DOCK4: variants seen among roughly 807,000 people sequenced by gnomAD.
DOCK4 encodes dedicator of cytokinesis 4, also known as dedicator of cytokinesis protein 4.
In DOCK4, 97 loss-of-function variants were observed where a neutral mutation model predicts 268.1. The ratio of observed to expected loss-of-function variants is 0.36; its 90% CI spans 0.31 to 0.43. The LOEUF is 0.43. DOCK4 is among the 20% of genes least tolerant of loss of function. The pLI is 1.00. For missense variants in DOCK4, 2,145 were observed against 2,455.7 expected (o/e 0.87, Z 2.67); for synonymous variants, 954 against 887.2 (o/e 1.08, Z -1.34).
chr7:111,945,869 T>C, intron 8 of DOCK4, 71 bp from the exon 9 acceptor site: 1 of 1,156,648 alleles, frequency 8.6e-7, no homozygotes, highest in Admixed American at 2.1e-5. Flanking sequence ...CTGTAACTAC[T>C]CTTCATCACA....
In DOCK4 at chr7:112,062,835, G is replaced by A. The variant is rs547035692; in HGVS notation, c.38-58704C>T. ...TGGTATTACAGGCGTGTGTCACCAC[G>A]CCTGGCTAATTTTTTGTATTTTTAG... On this transcript the variant is annotated intron_variant, in intron 1 of 52. Coordinates refer to ENST00000428084, the MANE Select transcript of DOCK4 (RefSeq NM_001363540.2). 3.3e-5 allele frequency among the ~76,000 whole-genome samples: 5 copies of A among 152,166 alleles called. No homozygotes were observed. In the South Asian group the frequency reaches 6.2e-4, roughly 19 times the overall value.
chr7:111,852,429 C>A (rs1218518626), intron 23 of DOCK4, among the ~76,000 whole-genome samples: 2 of 151,752 alleles, frequency 1.3e-5, no homozygotes, highest in Non-Finnish European at 2.9e-5. Flanking sequence ...TCATTGCAAG[C>A]CTTCTTTAAA....
At chr7:112,081,767 A>G (rs1178916696) in intron 1 of DOCK4, among the ~76,000 whole-genome samples, 2 of 152,162 alleles carry the variant, frequency 1.3e-5, no homozygotes, top group Non-Finnish European at 2.9e-5. Context: ...GTTCTCTTGA[A>G]GGGGTCAAAA....
chr7:112,056,265 A>C (rs368789438), intron 1 of DOCK4, among the ~76,000 whole-genome samples: 1 of 152,210 alleles, frequency 6.6e-6, no homozygotes, highest in Non-Finnish European at 1.5e-5. Context: ...CAACAAACTG[A>C]CAATGGTTGA....
chr7:112,173,759 AG>A (rs948789066), intron 1 of DOCK4, among the ~76,000 whole-genome samples: 15 of 152,304 alleles, frequency 9.8e-5, no homozygotes, highest in African/African-American at 3.6e-4. Flanking sequence ...AAAACCCCAC[AG>A]CCAAACATTT....
At chr7:111,870,323 C>CTTTTTTTTTTTTTTTTTTTT (rs796444724) in intron 20 of DOCK4, among the ~76,000 whole-genome samples, 5 of 131,334 alleles carry the variant, frequency 3.8e-5, no homozygotes, top group African/African-American at 8.6e-5. Flanking sequence ...TTTTTCTTTT[C>CTTTTTTTTTTTTTTTTTTTT]TTTTTTTTTT....
intron 1 of DOCK4, among the ~76,000 whole-genome samples, chr7:112,057,069 T>C (rs1003732359): frequency 1.3e-5 from 2 of 152,078 alleles, no homozygotes; most frequent in Non-Finnish European, 2.9e-5. Context: ...ATAACTTACT[T>C]GGAAACTTAA....
intron 1 of DOCK4, among the ~76,000 whole-genome samples, chr7:112,093,689 A>G (rs1389895070): frequency 1.3e-5 from 2 of 152,202 alleles, no homozygotes; most frequent in African/African-American, 4.8e-5. Context: ...TCACCTCGAA[A>G]ACTACTGCAA....
intron 30 of DOCK4, among the ~76,000 whole-genome samples, chr7:111,795,342 C>A (rs1396220486): frequency 6.6e-6 from 1 of 152,094 alleles, no homozygotes; most frequent in African/African-American, 2.4e-5. Flanking sequence ...ATCCCTGGCC[C>A]CAGGGACCGG....
intron 36 of DOCK4, among the ~76,000 whole-genome samples, chr7:111,771,395 G>A (rs1439617729): frequency 1.3e-5 from 2 of 152,202 alleles, no homozygotes; most frequent in Non-Finnish European, 2.9e-5. Flanking sequence ...AAAGCTGCCC[G>A]ACGGGGACAG....
chr7:111,750,943 A>G (rs1053193854), intron 42 of DOCK4, among the ~76,000 whole-genome samples: 2 of 152,248 alleles, frequency 1.3e-5, no homozygotes, highest in Non-Finnish European at 2.9e-5. Context: ...ATACAGCATT[A>G]TCTTTCCTGT....
At chr7:111,791,026 C>T (rs1457106604) in intron 30 of DOCK4, among the ~76,000 whole-genome samples, 5 of 140,834 alleles carry the variant, frequency 3.6e-5, no homozygotes, top group Non-Finnish European at 6.0e-5. Flanking sequence ...CCACTGCACT[C>T]TAGCCTGGGT....
At chr7:111,944,507 G>A (rs7811245) in intron 10 of DOCK4, among the ~76,000 whole-genome samples, 16,483 of 152,134 alleles carry the variant, frequency 0.11, 1,179 homozygotes, top group East Asian at 0.33. Flanking sequence ...AGAATTTTAA[G>A]AGACAAACAC....
At chr7:112,075,450 G>T (rs73717954) in intron 1 of DOCK4, among the ~76,000 whole-genome samples, 2 of 152,122 alleles carry the variant, frequency 1.3e-5, no homozygotes, top group East Asian at 3.9e-4. Context: ...CCTAGAGGGA[G>T]GACTTGGAAA....
At chr7:111,768,293 TC>T (rs1797891302) in intron 37 of DOCK4, among the ~76,000 whole-genome samples, 1 of 152,252 alleles carries the variant, frequency 6.6e-6, no homozygotes, top group Middle Eastern at 3.4e-3. Flanking sequence ...CACCACTTTA[TC>T]CCACAGGTGG....
chr7:112,002,640 T>A (rs1288171888), intron 2 of DOCK4, among the ~76,000 whole-genome samples: 2 of 152,098 alleles, frequency 1.3e-5, no homozygotes, highest in Admixed American at 1.3e-4. Flanking sequence ...AACCTTGATA[T>A]GATAAAAATA....
At chr7:112,149,194 G>A (rs1163470887) in intron 1 of DOCK4, among the ~76,000 whole-genome samples, 3 of 152,156 alleles carry the variant, frequency 2.0e-5, no homozygotes, top group African/African-American at 7.2e-5. Flanking sequence ...CAACTGCGCG[G>A]CCCTTCCCAG....
intron 16 of DOCK4, among the ~76,000 whole-genome samples, chr7:111,887,037 C>T (rs555412760): frequency 6.6e-6 from 1 of 152,202 alleles, no homozygotes; most frequent in African/African-American, 2.4e-5. Flanking sequence ...TGGGATTACC[C>T]CCAAATCTCT....
chr7:112,070,887 G>T (rs939640118), intron 1 of DOCK4, among the ~76,000 whole-genome samples: 1 of 152,186 alleles, frequency 6.6e-6, no homozygotes, highest in African/African-American at 2.4e-5. Flanking sequence ...ATCAGCTGGT[G>T]TCGTGTACAT....
Sources: allele counts gnomAD v4.1 joint callset (sites outside exome capture counted in the v4.1 genomes callset), GRCh38; gene constraint gnomAD v4.1.1; transcripts MANE v1.5; gene names NCBI Gene and HGNC (gene_info 2026-07-23, HGNC 2026-07-21).